COL15A1: variants seen among roughly 807,000 people sequenced by gnomAD.
COL15A1 encodes collagen alpha-1(XV) chain.
A neutral mutation model predicts 165.9 loss-of-function variants in COL15A1; 111 were observed. The ratio of observed to expected loss-of-function variants is 0.67; its 90% confidence interval spans 0.57 to 0.78. COL15A1 has a LOEUF of 0.78. Ranked by LOEUF, COL15A1 falls within the 30% of genes least tolerant of loss-of-function variation. The pLI is 0.00. For missense variants in COL15A1, 1,745 were observed against 1,789.7 expected (o/e 0.98, Z 0.45); for synonymous variants, 659 against 674.8 (o/e 0.98, Z 0.36).
intron 2 of COL15A1, among the ~76,000 whole-genome samples, chr9:98,960,409 T>G (rs572366665): frequency 4.7e-4 from 71 of 151,494 alleles, no homozygotes; most frequent in East Asian, 1.9e-4. Flanking sequence ...GTTTCAAAAA[T>G]AAAAAAGAAA....
intron 16 of COL15A1, among the ~76,000 whole-genome samples, chr9:99,029,398 A>G (rs1313943685): frequency 6.6e-6 from 1 of 152,228 alleles, no homozygotes; most frequent in East Asian, 1.9e-4. Context: ...TTAGATCATC[A>G]TCACCTTCCC....
At chr9:98,997,164 A>G (rs1588507692) in intron 6 of COL15A1, 83 bp downstream of exon 6, 1 of 1,520,762 alleles carries the variant, frequency 6.6e-7, no homozygotes, top group South Asian at 1.2e-5. Context: ...TATGTAACAT[A>G]CAGAATCTCA....
chr9:99,066,599 GTTTTTTTTTTTTTT>G (rs67961829), intron 39 of COL15A1, among the ~76,000 whole-genome samples: 1 of 71,082 alleles, frequency 1.4e-5, no homozygotes, highest in African/African-American at 5.2e-5. Flanking sequence ...ATTTTGTTCT[GTTTTTTTTTTTTTT>G]TTTTTTTTTT....
intron 5 of COL15A1, among the ~76,000 whole-genome samples, chr9:98,991,524 A>G (rs1030897822): frequency 2.6e-5 from 4 of 152,194 alleles, no homozygotes; most frequent in African/African-American, 9.7e-5. Context: ...CTTGAGCTAG[A>G]TACAGAGTGC....
At chr9:99,043,863 A>G (rs1839451657) in intron 24 of COL15A1, among the ~76,000 whole-genome samples, 1 of 152,150 alleles carries the variant, frequency 6.6e-6, no homozygotes, top group African/African-American at 2.4e-5. Flanking sequence ...AGCATAGTAG[A>G]TGTCTCTGCT....
intron 2 of COL15A1, among the ~76,000 whole-genome samples, chr9:98,954,697 G>C (rs1394096667): frequency 6.6e-6 from 1 of 152,140 alleles, no homozygotes; most frequent in Non-Finnish European, 1.5e-5. Flanking sequence ...TGGGTCTAGT[G>C]CATGCCCATT....
rs114564961 is a variant in COL15A1, at chr9:98,991,154, G to C, written c.804+1896G>C. On this transcript the variant is annotated intron_variant, in intron 5 of 41. Coordinates refer to ENST00000375001, the MANE Select transcript of COL15A1 (RefSeq NM_001855.5). The stretch of plus-strand genomic sequence containing the variant: ...GTGCGGACCCAAAGACACTAACAGC[G>C]ATATTTATTGCAAAGAGCAAAAGAA... Among the ~76,000 whole-genome samples the C allele has an allele frequency of 6.2e-3, 942 of 152,256 alleles. 7 individuals are homozygous for C. Among genetic ancestry groups the C allele is most frequent in the African/African-American group, 0.021 (856 of 41,528 alleles).
intron 35 of COL15A1, 104 bp from the exon 36 acceptor site, chr9:99,059,785 C>G: frequency 7.9e-7 from 1 of 1,270,714 alleles, no homozygotes; most frequent in South Asian, 1.4e-5. Context: ...CTTTGTGGCG[C>G]TGTGAATGGG....
intron 9 of COL15A1, among the ~76,000 whole-genome samples, chr9:99,010,336 C>A (rs995459451): frequency 3.9e-5 from 6 of 152,276 alleles, no homozygotes; most frequent in Middle Eastern, 6.8e-3. Flanking sequence ...GTGGACTGAA[C>A]AAATGGGGGC....
chr9:98,996,735 T>C (rs551357514), intron 5 of COL15A1, among the ~76,000 whole-genome samples, 199 bp from the exon 6 acceptor site: 10 of 152,228 alleles, frequency 6.6e-5, no homozygotes, highest in African/African-American at 7.2e-5. Flanking sequence ...GAACAGAATC[T>C]AATGACCTCT....
intron 35 of COL15A1, among the ~76,000 whole-genome samples, chr9:99,057,044 G>A (rs78294899): frequency 0.013 from 2,045 of 152,172 alleles, 45 homozygotes; most frequent in African/African-American, 0.046. Context: ...CATGTTTTCC[G>A]TTCTCTTCAG....
At chr9:98,970,093 G>C (rs1285943629) in intron 2 of COL15A1, among the ~76,000 whole-genome samples, 1 of 151,776 alleles carries the variant, frequency 6.6e-6, no homozygotes. Flanking sequence ...GTGCAGCCAG[G>C]GTTGAGAACC....
At chr9:98,962,819 T>G (rs4743298) in intron 2 of COL15A1, among the ~76,000 whole-genome samples, 53,133 of 152,108 alleles carry the variant, frequency 0.35, 9,722 homozygotes, top group East Asian at 0.44. Flanking sequence ...AAGATGGAGA[T>G]GGTCACTGCC....
chr9:99,029,582 C>A (rs1839182160), intron 16 of COL15A1, among the ~76,000 whole-genome samples: 1 of 152,182 alleles, frequency 6.6e-6, no homozygotes, highest in South Asian at 2.1e-4. Flanking sequence ...TATCTTCTTT[C>A]ATTATCAGAA....
intron 21 of COL15A1, 106 bp downstream of exon 21, chr9:99,036,502 T>G: frequency 1.7e-6 from 2 of 1,159,098 alleles, no homozygotes; most frequent in Non-Finnish European, 2.5e-6. Flanking sequence ...AGGAGGCATG[T>G]AGCCAGTGCC....
intron 4 of COL15A1, among the ~76,000 whole-genome samples, chr9:98,988,708 C>T (rs897043941): frequency 2.0e-5 from 3 of 151,956 alleles, no homozygotes; most frequent in African/African-American, 4.8e-5. Context: ...GGATCACTTG[C>T]GGTCAGGAGT....
chr9:99,037,073 A>G (rs1401046115), intron 21 of COL15A1, among the ~76,000 whole-genome samples: 1 of 152,206 alleles, frequency 6.6e-6, no homozygotes, highest in East Asian at 1.9e-4. Flanking sequence ...TATTAAAACT[A>G]AAACTAAAAA....
chr9:99,059,786 T>C, intron 35 of COL15A1, 103 bp from the exon 36 acceptor site: 3 of 1,284,116 alleles, frequency 2.3e-6, no homozygotes, highest in Non-Finnish European at 3.3e-6. Context: ...TTTGTGGCGC[T>C]GTGAATGGGG....
At chr9:99,039,554 G>T (rs1430189262) in intron 22 of COL15A1, among the ~76,000 whole-genome samples, 1 of 152,186 alleles carries the variant, frequency 6.6e-6, no homozygotes. Flanking sequence ...ATTTCTGCAA[G>T]TTGGCAGAGT....
Sources: allele counts gnomAD v4.1 joint callset (sites outside exome capture counted in the v4.1 genomes callset), GRCh38; gene constraint gnomAD v4.1.1; transcripts MANE v1.5; gene names NCBI Gene and HGNC (gene_info 2026-07-23, HGNC 2026-07-21).